Variants in STAB2 observed in about 807,000 individuals in gnomAD.
STAB2 encodes stabilin-2.
Under a neutral mutation model 338.1 loss-of-function variants are expected in STAB2, and 288 were observed. The observed-to-expected ratio is 0.85, with a 90% CI of 0.77 to 0.94. STAB2 has a LOEUF of 0.94. STAB2 is among the 40% of genes least tolerant of loss of function. The pLI is 0.00. For synonymous variants in STAB2, 1,202 were observed against 1,193.3 expected (o/e 1.01, Z -0.15); for missense variants, 3,141 against 3,210.1 (o/e 0.98, Z 0.52).
chr12:103,613,464 G>GCT (rs1957159902), intron 3 of STAB2, among the ~76,000 whole-genome samples: 1 of 152,174 alleles, frequency 6.6e-6, no homozygotes, highest in African/African-American at 2.4e-5. Context: ...GTGAGGCTCC[G>GCT]TGGACGTAGG....
chr12:103,699,017 A>G, intron 33 of STAB2, 79 bp from the exon 34 acceptor site: 1 of 1,516,200 alleles, frequency 6.6e-7, no homozygotes, highest in Non-Finnish European at 8.9e-7. Flanking sequence ...TGTAATCTCC[A>G]CAGTGACAGC....
At chr12:103,663,132 C>G in intron 18 of STAB2, 134 bp downstream of exon 18, 2 of 1,136,946 alleles carry the variant, frequency 1.8e-6, no homozygotes, top group Non-Finnish European at 2.4e-6. Context: ...GGGCTTCCGT[C>G]TTCATGAAGA....
rs1880264579 is a variant in STAB2 at position 103,715,834 on chromosome 12, G to A, written c.4557G>A (p.Glu1519=). The A allele has an allele frequency of 1.2e-6, 2 of 1,614,114 alleles. No individual in the cohort carries two copies. Among genetic ancestry groups the A allele is most frequent in the Non-Finnish European group, 1.7e-6 (2 of 1,179,990 alleles). Residue 1519 remains glutamate, a synonymous_variant, in exon 43 of 69, where the codon GAG becomes GAA. Coordinates refer to ENST00000388887, the MANE Select transcript of STAB2 (RefSeq NM_017564.10). ...TTAAAGAAATCAACCCGTGTTTGGAGAACCATGGTGGCTGTGACAAGAATG... is the reference window on the plus strand; with the variant it reads ...TTAAAGAAATCAACCCGTGTTTGGAAAACCATGGTGGCTGTGACAAGAATG... The part of the protein sequence containing the change: ...IVCLEINPCL[E]NHGGCDKNAE...
intron 3 of STAB2, among the ~76,000 whole-genome samples, chr12:103,604,085 A>G (rs1956991875): frequency 6.6e-6 from 1 of 152,138 alleles, no homozygotes. Context: ...TACTAAATTG[A>G]TGTGTTCTAA....
intron 3 of STAB2, among the ~76,000 whole-genome samples, chr12:103,606,974 ACT>A (rs1957038463): frequency 1.3e-5 from 2 of 152,080 alleles, no homozygotes; most frequent in Non-Finnish European, 2.9e-5. Flanking sequence ...ACAGAGCAAG[ACT>A]CTGTCTCAAA....
At chr12:103,687,699 C>T (rs1015318295) in intron 27 of STAB2, among the ~76,000 whole-genome samples, 1 of 152,112 alleles carries the variant, frequency 6.6e-6, no homozygotes, top group African/African-American at 2.4e-5. Flanking sequence ...AATTGAGGTC[C>T]TTTAGGTAAC....
At chr12:103,759,873 CAT>C (rs1449845496) in intron 65 of STAB2, among the ~76,000 whole-genome samples, 1 of 152,182 alleles carries the variant, frequency 6.6e-6, no homozygotes, top group Non-Finnish European at 1.5e-5. Flanking sequence ...AGGGAACCCT[CAT>C]ATGGAGAATA....
intron 3 of STAB2, among the ~76,000 whole-genome samples, chr12:103,612,182 G>A (rs10861055): frequency 0.32 from 48,260 of 151,408 alleles, 9,694 homozygotes; most frequent in African/African-American, 0.58. Context: ...CTCTTCTTGA[G>A]GAGTATCTTT....
intron 14 of STAB2, 23 bp downstream of exon 14, chr12:103,655,330 T>A: frequency 4.4e-6 from 7 of 1,608,986 alleles, no homozygotes; most frequent in Non-Finnish European, 5.9e-6. Context: ...CATAATTTTC[T>A]GAAAAATATT....
At chr12:103,682,216 G>C (rs566971934) in intron 25 of STAB2, among the ~76,000 whole-genome samples, 6 of 152,152 alleles carry the variant, frequency 3.9e-5, no homozygotes, top group Admixed American at 1.3e-4. Context: ...AAACAGAATG[G>C]ATCAAAAACC....
At chr12:103,756,807 A>G (rs971272446) in intron 63 of STAB2, among the ~76,000 whole-genome samples, 1 of 152,000 alleles carries the variant, frequency 6.6e-6, no homozygotes, top group Non-Finnish European at 1.5e-5. Context: ...CAGACCAAAG[A>G]TATCCATCTC....
At chr12:103,690,064 C>T (rs1412233097) in intron 29 of STAB2, 82 bp downstream of exon 29, 2 of 1,525,192 alleles carry the variant, frequency 1.3e-6, no homozygotes, top group South Asian at 1.3e-5. Flanking sequence ...GTAGGAAAAC[C>T]ACATGGTCCT....
chr12:103,601,794 G>C (rs554638975), intron 3 of STAB2, among the ~76,000 whole-genome samples: 57 of 152,254 alleles, frequency 3.7e-4, no homozygotes, highest in African/African-American at 1.3e-3. Flanking sequence ...TTTAAAAATA[G>C]ACATTTATGA....
Position 103,622,026 on chromosome 12 carries a change from C to A in STAB2, c.418-16C>A. On this transcript the variant is annotated splice_polypyrimidine_tract_variant and intron_variant, in intron 4 of 68. Transcript: ENST00000388887. ...TCACCTTGGGTCTAATGTCAACCAC[C>A]TGGGGTGTTTTGCAGGAAGGGTTTG... 1 of 1,614,056 alleles carries A rather than the reference C, an allele frequency of 6.2e-7. No individual in the cohort carries two copies. The highest frequency in any genetic ancestry group is 1.3e-5 in the African/African-American group (1 of 75,040).
chr12:103,668,969 T>A, intron 20 of STAB2: 1 of 414,270 alleles, frequency 2.4e-6, no homozygotes, highest in Non-Finnish European at 4.3e-6. Context: ...CTTCCCCACA[T>A]GGCCCACCCT....
intron 3 of STAB2, among the ~76,000 whole-genome samples, chr12:103,615,091 A>T (rs960193129): frequency 5.9e-5 from 9 of 152,186 alleles, no homozygotes; most frequent in Non-Finnish European, 1.2e-4. Flanking sequence ...TTTTAGTTTC[A>T]TCTGCTTTCT....
At position 103,746,627 on chromosome 12, in the gene STAB2, C is replaced by G; in HGVS notation, c.6167C>G (p.Ser2056Cys). The G allele has an allele frequency of 6.2e-7, 1 of 1,614,120 alleles. No homozygotes were observed. The highest frequency in any genetic ancestry group is 8.5e-7 in the Non-Finnish European group (1 of 1,179,966). Residue 2056 changes from serine to cysteine, a missense_variant, in exon 58 of 69, where the codon TCT becomes TGT. By Grantham distance (112) the Ser-to-Cys change is moderately radical (BLOSUM62 -1). Transcript: ENST00000388887. ...VLPAVCTPPC[S>C]AHATCKENNT... is the part of the protein sequence containing the mutation. Reference sequence around the variant, plus strand: ...CCTGCAGTGTGTACGCCTCCTTGTTCTGCTCATGCCACCTGTAAGGAGAAC... The same window carrying G: ...CCTGCAGTGTGTACGCCTCCTTGTTGTGCTCATGCCACCTGTAAGGAGAAC...
At chr12:103,622,613 A>C (rs1294548298) in intron 5 of STAB2, among the ~76,000 whole-genome samples, 1 of 152,244 alleles carries the variant, frequency 6.6e-6, no homozygotes, top group Non-Finnish European at 1.5e-5. Flanking sequence ...GTCCTTATCA[A>C]GTCATGATTA....
chr12:103,600,031 G>C (rs545450158), intron 3 of STAB2, among the ~76,000 whole-genome samples: 1 of 152,104 alleles, frequency 6.6e-6, no homozygotes, highest in African/African-American at 2.4e-5. Flanking sequence ...AAATTACCTC[G>C]CTTCAGTATT....
Sources: gnomAD v4.1 joint callset for allele counts (sites outside exome capture counted in the v4.1 genomes callset) on GRCh38, gnomAD v4.1.1 for gene constraint, MANE v1.5 for transcripts, NCBI Gene and HGNC (gene_info 2026-07-23, HGNC 2026-07-21) for gene names.